TMEM232: variants seen among roughly 807,000 people sequenced by gnomAD.
TMEM232 encodes transmembrane protein 232.
In TMEM232, 80 loss-of-function variants were observed where a neutral mutation model predicts 78.8. That is an observed-to-expected ratio of 1.01 (90% CI 0.85 to 1.22). The LOEUF is 1.22. Among genes scored for constraint, TMEM232 ranks in the 50% most tolerant of loss-of-function variants. The probability of loss-of-function intolerance (pLI) is 0.00; values close to 1 mark genes in which losing one functional copy is unlikely to be tolerated. For missense variants in TMEM232, 881 were observed against 742.2 expected (o/e 1.19, Z -2.17); for synonymous variants, 297 against 254.3 (o/e 1.17, Z -1.60).
At chr5:110,406,561 C>A (rs1268253378) in intron 2 of TMEM232, among the ~76,000 whole-genome samples, 1 of 151,884 alleles carries the variant, frequency 6.6e-6, no homozygotes. Context: ...GGATAAAGTC[C>A]TTCACAGACA....
intron 8 of TMEM232, among the ~76,000 whole-genome samples, chr5:110,606,877 G>A (rs1447025470): frequency 6.6e-6 from 1 of 151,582 alleles, no homozygotes; most frequent in Non-Finnish European, 1.5e-5. Context: ...TATTTTGAAG[G>A]TTTTGAAAAT....
At chr5:110,688,379 T>C (rs896964658) in intron 1 of TMEM232, among the ~76,000 whole-genome samples, 2 of 152,146 alleles carry the variant, frequency 1.3e-5, no homozygotes, top group Admixed American at 1.3e-4. Flanking sequence ...AAGTGTCATA[T>C]GGGGAGAAAC....
upstream of TMEM232, among the ~76,000 whole-genome samples, chr5:110,730,260 G>A (rs187219598): frequency 6.6e-6 from 1 of 151,992 alleles, no homozygotes; most frequent in Admixed American, 6.5e-5. Flanking sequence ...GATTTTCCAG[G>A]GAAAACAATC....
At chr5:110,554,738 T>G (rs1235796009) in intron 11 of TMEM232, among the ~76,000 whole-genome samples, 5 of 152,180 alleles carry the variant, frequency 3.3e-5, no homozygotes, top group Admixed American at 3.3e-4. Flanking sequence ...GATTGATACC[T>G]GCTCTTCTTT....
At chr5:110,443,283 CACTCAA>C (rs765696275) in intron 12 of TMEM232, among the ~76,000 whole-genome samples, 4 of 152,020 alleles carry the variant, frequency 2.6e-5, no homozygotes, top group Admixed American at 6.6e-5. Flanking sequence ...GCCAAGCTGG[CACTCAA>C]ACTACAATGC....
intron 3 of TMEM232, among the ~76,000 whole-genome samples, chr5:110,392,855 T>C (rs532067799): frequency 6.6e-6 from 1 of 152,280 alleles, no homozygotes; most frequent in South Asian, 2.1e-4. Flanking sequence ...AACACTCTAT[T>C]TGTATGTCTA....
chr5:110,657,259 A>C (rs1439208557), intron 2 of TMEM232, among the ~76,000 whole-genome samples: 1 of 152,230 alleles, frequency 6.6e-6, no homozygotes, highest in Non-Finnish European at 1.5e-5. Flanking sequence ...TATATATCCA[A>C]AGAAAATATA....
intron 11 of TMEM232, among the ~76,000 whole-genome samples, chr5:110,548,872 A>T (rs978484008): frequency 2.0e-5 from 3 of 152,076 alleles, no homozygotes; most frequent in African/African-American, 2.4e-5. Context: ...ACAACAGAAA[A>T]GGTTGACTTT....
intron 10 of TMEM232, among the ~76,000 whole-genome samples, chr5:110,598,644 A>T (rs1284625322): frequency 1.3e-5 from 2 of 152,052 alleles, no homozygotes; most frequent in East Asian, 3.9e-4. Context: ...GGATTAAGAA[A>T]ATGTGGCACA....
chr5:110,651,315 C>A (rs533545979), intron 2 of TMEM232, among the ~76,000 whole-genome samples: 11 of 151,852 alleles, frequency 7.2e-5, no homozygotes, highest in Admixed American at 4.6e-4. Flanking sequence ...AGACTTTGCA[C>A]AAGGCAGTCA....
At chr5:110,468,209 T>C (rs1010880253) in intron 12 of TMEM232, among the ~76,000 whole-genome samples, 1 of 152,128 alleles carries the variant, frequency 6.6e-6, no homozygotes, top group Admixed American at 6.5e-5. Flanking sequence ...AAATAACATC[T>C]TTTAAATTTT....
downstream of TMEM232, among the ~76,000 whole-genome samples, chr5:110,419,350 C>T (rs926832644): frequency 2.0e-5 from 3 of 151,946 alleles, no homozygotes; most frequent in African/African-American, 7.2e-5. Flanking sequence ...AAACAGCAAC[C>T]TACAGGCAAC....
chr5:110,585,785 C>G (rs766047750), intron 10 of TMEM232, among the ~76,000 whole-genome samples: 3 of 152,088 alleles, frequency 2.0e-5, no homozygotes, highest in Non-Finnish European at 4.4e-5. Context: ...CAGCTCCCTG[C>G]GGTCTCTGAA....
intron 12 of TMEM232, among the ~76,000 whole-genome samples, chr5:110,432,757 G>C (rs1758000719): frequency 1.3e-5 from 2 of 151,644 alleles, no homozygotes; most frequent in Admixed American, 1.3e-4. Context: ...CACACATAAT[G>C]ATATGCATGG....
At chr5:110,415,365 T>C (rs992260475), downstream of TMEM232, among the ~76,000 whole-genome samples, 1 of 151,878 alleles carries the variant, frequency 6.6e-6, no homozygotes. Flanking sequence ...TTTTTTTGTA[T>C]TTTTAGTAGA....
intron 4 of TMEM232, among the ~76,000 whole-genome samples, chr5:110,390,034 T>G (rs1755124048): frequency 6.6e-6 from 1 of 152,176 alleles, no homozygotes; most frequent in African/African-American, 2.4e-5. Context: ...GACTGAATTC[T>G]GCAGAATTTT....
At chr5:110,499,120 T>G (rs1298386387) in intron 12 of TMEM232, among the ~76,000 whole-genome samples, 2 of 152,034 alleles carry the variant, frequency 1.3e-5, no homozygotes, top group Non-Finnish European at 2.9e-5. Flanking sequence ...AAACATTTCA[T>G]TAATGCAAAA....
chr5:110,468,811 C>A (rs767783985), intron 12 of TMEM232, among the ~76,000 whole-genome samples: 1 of 152,000 alleles, frequency 6.6e-6, no homozygotes, highest in Non-Finnish European at 1.5e-5. Context: ...CTTGTAACTA[C>A]CACAAAGTCA....
chr5:110,633,150 A>G (rs1390076474), intron 5 of TMEM232, among the ~76,000 whole-genome samples: 3 of 152,202 alleles, frequency 2.0e-5, no homozygotes, highest in Non-Finnish European at 4.4e-5. Flanking sequence ...TCCTTCATAC[A>G]TGAAGAAGAA....
Sources: allele counts gnomAD v4.1 joint callset (sites outside exome capture counted in the v4.1 genomes callset), GRCh38; gene constraint gnomAD v4.1.1; transcripts MANE v1.5; gene names NCBI Gene and HGNC (gene_info 2026-07-23, HGNC 2026-07-21).